Variants in BRINP3 observed in about 807,000 individuals in gnomAD.
BRINP3 encodes the protein BMP/retinoic acid-inducible neural-specific protein 3.
Under a neutral mutation model 71.0 loss-of-function variants are expected in BRINP3, and 19 were observed. The observed-to-expected ratio is 0.27, with a 90% CI of 0.19 to 0.39. The LOEUF is 0.39. Among genes scored for constraint, BRINP3 ranks in the 10% least tolerant of loss-of-function variants. The probability of loss-of-function intolerance (pLI) is 1.00; values close to 1 mark genes in which losing one functional copy is unlikely to be tolerated. For missense variants in BRINP3, 959 were observed against 940.8 expected, an observed-to-expected ratio of 1.02 and a Z score of -0.25; for synonymous variants, 380 against 337.7, an observed-to-expected ratio of 1.13 and a Z score of -1.37.
intron 5 of BRINP3, among the ~76,000 whole-genome samples, chr1:190,229,050 T>C (rs1657683042): frequency 6.6e-6 from 1 of 151,998 alleles, no homozygotes. Context: ...CTAGGTAAAG[T>C]ATTAAAAATA....
intron 7 of BRINP3, among the ~76,000 whole-genome samples, chr1:190,156,036 T>C (rs1012099627): frequency 2.0e-5 from 3 of 152,064 alleles, no homozygotes; most frequent in East Asian, 1.9e-4. Context: ...AGTTTTAGAA[T>C]AGGAGCAAAA....
At chr1:190,190,312 C>T (rs1350370325) in intron 6 of BRINP3, among the ~76,000 whole-genome samples, 1 of 152,130 alleles carries the variant, frequency 6.6e-6, no homozygotes, top group East Asian at 1.9e-4. Flanking sequence ...CAGACAGCCT[C>T]CCGTTTCACA....
At chr1:190,384,209 T>A (rs1446722383) in intron 2 of BRINP3, among the ~76,000 whole-genome samples, 1 of 151,724 alleles carries the variant, frequency 6.6e-6, no homozygotes. Context: ...TTGAGAATTT[T>A]GTTAGTATAG....
chr1:190,383,262 G>A (rs1398843790), intron 2 of BRINP3, among the ~76,000 whole-genome samples: 2 of 152,016 alleles, frequency 1.3e-5, no homozygotes, highest in Non-Finnish European at 2.9e-5. Flanking sequence ...TAGCAATAAA[G>A]CCTGATTTAT....
At chr1:190,386,018 G>A in intron 2 of BRINP3, among the ~76,000 whole-genome samples, 1 of 146,228 alleles carries the variant, frequency 6.8e-6, no homozygotes, top group South Asian at 2.2e-4. Context: ...ACTTATAGGT[G>A]GGAATTGAAC....
chr1:190,123,154 A>G (rs1303987013), intron 7 of BRINP3, among the ~76,000 whole-genome samples: 1 of 152,118 alleles, frequency 6.6e-6, no homozygotes, highest in East Asian at 1.9e-4. Flanking sequence ...GAACTGGCTT[A>G]CTTACTGCTT....
At chr1:190,433,805 T>A (rs191070728) in intron 2 of BRINP3, among the ~76,000 whole-genome samples, 1 of 152,296 alleles carries the variant, frequency 6.6e-6, no homozygotes, top group Non-Finnish European at 1.5e-5. Context: ...GGCTATAAGT[T>A]TTGGTCATGC....
intron 6 of BRINP3, among the ~76,000 whole-genome samples, chr1:190,165,139 AG>A (rs1203218986): frequency 6.6e-6 from 1 of 152,114 alleles, no homozygotes; most frequent in African/African-American, 2.4e-5. Flanking sequence ...AAAGAGAAAT[AG>A]AAAAAAACAT....
intron 6 of BRINP3, among the ~76,000 whole-genome samples, chr1:190,206,855 G>T (rs1351667380): frequency 1.3e-5 from 2 of 151,900 alleles, no homozygotes; most frequent in African/African-American, 4.8e-5. Context: ...AAATAAAAAA[G>T]CAAAGAAGAT....
intron 2 of BRINP3, among the ~76,000 whole-genome samples, chr1:190,412,518 A>G (rs1471006788): frequency 7.3e-6 from 1 of 137,296 alleles, no homozygotes; most frequent in Non-Finnish European, 1.5e-5. Flanking sequence ...GCTGGAGTGC[A>G]GTGGTGGGAT....
intron 2 of BRINP3, among the ~76,000 whole-genome samples, chr1:190,444,402 T>G (rs951388614): frequency 1.1e-4 from 16 of 151,872 alleles, no homozygotes; most frequent in Non-Finnish European, 1.0e-4. Context: ...TCCTCAAATT[T>G]CAGAGAACTT....
chr1:190,189,537 G>A (rs1409176743), intron 6 of BRINP3, among the ~76,000 whole-genome samples: 1 of 151,534 alleles, frequency 6.6e-6, no homozygotes, highest in South Asian at 2.1e-4. Context: ...CAATTCTGCT[G>A]TTGATACTTT....
chr1:190,119,607 A>G (rs537824854), intron 7 of BRINP3, among the ~76,000 whole-genome samples: 1 of 151,996 alleles, frequency 6.6e-6, no homozygotes, highest in African/African-American at 2.4e-5. Flanking sequence ...TTTTTTAATC[A>G]CCTATTGTCA....
At chr1:190,327,531 A>T (rs1259312786) in intron 2 of BRINP3, among the ~76,000 whole-genome samples, 2 of 150,706 alleles carry the variant, frequency 1.3e-5, no homozygotes, top group African/African-American at 4.9e-5. Flanking sequence ...CCTATATCTG[A>T]TAAAACAGGC....
intron 2 of BRINP3, among the ~76,000 whole-genome samples, chr1:190,361,632 G>T (rs1669153938): frequency 6.6e-6 from 1 of 151,998 alleles, no homozygotes; most frequent in Non-Finnish European, 1.5e-5. Flanking sequence ...TCAATCTCTT[G>T]ACCTCGTGAT....
intron 2 of BRINP3, among the ~76,000 whole-genome samples, chr1:190,426,472 C>A (rs950999150): frequency 1.3e-5 from 2 of 151,802 alleles, no homozygotes; most frequent in Non-Finnish European, 2.9e-5. Context: ...GCTAATTGAG[C>A]GTCCCTAATC....
At chr1:190,103,960 C>G (rs1337501879) in intron 7 of BRINP3, among the ~76,000 whole-genome samples, 2 of 151,224 alleles carry the variant, frequency 1.3e-5, no homozygotes, top group East Asian at 3.9e-4. Flanking sequence ...ATGCTAATCC[C>G]ATTTTAAAAT....
chr1:190,398,728 T>A (rs1342375666), intron 2 of BRINP3, among the ~76,000 whole-genome samples: 1 of 152,040 alleles, frequency 6.6e-6, no homozygotes, highest in African/African-American at 2.4e-5. Flanking sequence ...TATTTTAATT[T>A]TGTAATTCCT....
At chr1:190,253,605 G>A (rs534456600) in intron 4 of BRINP3, among the ~76,000 whole-genome samples, 24 of 151,942 alleles carry the variant, frequency 1.6e-4, no homozygotes, top group East Asian at 9.7e-4. Flanking sequence ...ATCCTTGGCC[G>A]AGTTTTTGAT....
Sources: gnomAD v4.1 joint callset for allele counts (sites outside exome capture counted in the v4.1 genomes callset) on GRCh38, gnomAD v4.1.1 for gene constraint, MANE v1.5 for transcripts, NCBI Gene and HGNC (gene_info 2026-07-23, HGNC 2026-07-21) for gene names.